The following BAIAP2L1 variants were observed in gnomAD, a reference collection of about 807,000 sequenced individuals.
BAIAP2L1 encodes the protein BAR/IMD domain containing adaptor protein 2 like 1, also known as BAR/IMD domain-containing adapter protein 2-like 1.
Under a neutral mutation model 66.3 loss-of-function variants are expected in BAIAP2L1, and 35 were observed. The observed-to-expected ratio is 0.53, with a 90% confidence interval of 0.40 to 0.70. The LOEUF (loss-of-function observed/expected upper bound fraction) is 0.70, where lower values mean the gene tolerates loss of function less well. Among genes scored for constraint, BAIAP2L1 ranks in the 30% least tolerant of loss-of-function variants. BAIAP2L1 has a pLI of 0.00. For missense variants in BAIAP2L1, 622 were observed against 656.9 expected (o/e 0.95, Z 0.58); for synonymous variants, 269 against 248.7 (o/e 1.08, Z -0.77).
At chr7:98,363,963 G>A (rs1355943130) in intron 1 of BAIAP2L1, among the ~76,000 whole-genome samples, 4 of 152,050 alleles carry the variant, frequency 2.6e-5, no homozygotes, top group Non-Finnish European at 1.5e-5. Flanking sequence ...TTATGCCCGA[G>A]AGCACTTTCA....
chr7:98,396,013 G>A (rs889868439), intron 1 of BAIAP2L1, among the ~76,000 whole-genome samples: 3 of 152,152 alleles, frequency 2.0e-5, no homozygotes, highest in African/African-American at 7.2e-5. Context: ...TAATGTGCAT[G>A]GAATTAAAAC....
At chr7:98,315,794 G>C (rs546433401) in intron 6 of BAIAP2L1, among the ~76,000 whole-genome samples, 182 bp from the exon 7 acceptor site, 2 of 152,242 alleles carry the variant, frequency 1.3e-5, no homozygotes, top group African/African-American at 4.8e-5. Flanking sequence ...TTCTCCTTGA[G>C]GTCCCTGACT....
chr7:98,382,382 A>G (rs1013784873), intron 1 of BAIAP2L1, among the ~76,000 whole-genome samples: 7 of 152,290 alleles, frequency 4.6e-5, no homozygotes, highest in Admixed American at 2.6e-4. Flanking sequence ...ACAGTGGCTC[A>G]CGCCTGTAAT....
chr7:98,349,771 A>T (rs1485379459), intron 3 of BAIAP2L1, among the ~76,000 whole-genome samples: 1 of 150,952 alleles, frequency 6.6e-6, no homozygotes, highest in African/African-American at 2.4e-5. Flanking sequence ...GCACTTTGGG[A>T]GGCCGATGGG....
At chr7:98,304,701 G>A (rs1800568940) in intron 11 of BAIAP2L1, among the ~76,000 whole-genome samples, 2 of 151,686 alleles carry the variant, frequency 1.3e-5, no homozygotes, top group African/African-American at 4.8e-5. Flanking sequence ...GTGCACGCCA[G>A]TGTGCCCAGC....
At chr7:98,325,208 C>A (rs1801350974) in intron 3 of BAIAP2L1, among the ~76,000 whole-genome samples, 1 of 151,848 alleles carries the variant, frequency 6.6e-6, no homozygotes, top group Admixed American at 6.6e-5. Context: ...TATGGTGAAA[C>A]CCTGTCTCTA....
intron 12 of BAIAP2L1, among the ~76,000 whole-genome samples, chr7:98,296,520 G>A (rs1262218394): frequency 6.6e-6 from 1 of 152,194 alleles, no homozygotes; most frequent in Non-Finnish European, 1.5e-5. Context: ...AGCTACTCAG[G>A]AGGCTGAGGC....
At chr7:98,361,892 C>T (rs1287111766) in intron 2 of BAIAP2L1, among the ~76,000 whole-genome samples, 6 of 152,138 alleles carry the variant, frequency 3.9e-5, no homozygotes, top group East Asian at 1.9e-4. Context: ...CGCACCACCA[C>T]GTGCAGCTAA....
At chr7:98,398,268 C>T (rs1541409) in intron 1 of BAIAP2L1, among the ~76,000 whole-genome samples, 36,799 of 151,886 alleles carry the variant, frequency 0.24, 4,698 homozygotes, top group East Asian at 0.45. Flanking sequence ...CCATATTAAG[C>T]TTAAACTGTT....
At chr7:98,322,432 A>C (rs1273575592) in intron 3 of BAIAP2L1, among the ~76,000 whole-genome samples, 1 of 152,066 alleles carries the variant, frequency 6.6e-6, no homozygotes, top group Non-Finnish European at 1.5e-5. Flanking sequence ...TCCAGCTCTC[A>C]GCTGCCAGCC....
chr7:98,385,538 A>AGTAGC (rs1802866030), intron 1 of BAIAP2L1, among the ~76,000 whole-genome samples: 1 of 151,730 alleles, frequency 6.6e-6, no homozygotes, highest in South Asian at 2.1e-4. Flanking sequence ...CAGCCTCCAG[A>AGTAGC]GTAGCTGGGA....
Position 98,293,327 on chromosome 7 carries a change from C to A in BAIAP2L1, c.*194G>T. 2 of 537,798 alleles carry A rather than the reference C, an allele frequency of 3.7e-6. No individual in the cohort carries two copies. The highest frequency in any genetic ancestry group is 2.6e-5 in the South Asian group (1 of 38,786). 33.3% of individuals were successfully genotyped at this position (537,798 alleles called of 1,614,324 possible). ...GGCTGAGCTGGTCATTAGACTATTA[C>A]TCATTTATCTTAAAGGCAGAAACTT... On this transcript the variant is annotated 3_prime_UTR_variant, in exon 14 of 14. Transcript: ENST00000005260.
At chr7:98,297,724 T>C (rs1378057801) in intron 12 of BAIAP2L1, among the ~76,000 whole-genome samples, 1 of 152,192 alleles carries the variant, frequency 6.6e-6, no homozygotes, top group Non-Finnish European at 1.5e-5. Flanking sequence ...TGGGATCTTT[T>C]TGGAAGCCGA....
intron 3 of BAIAP2L1, among the ~76,000 whole-genome samples, chr7:98,332,320 T>C (rs1046978710): frequency 1.6e-5 from 2 of 126,956 alleles, no homozygotes; most frequent in East Asian, 2.2e-4. Flanking sequence ...GAGGCAGAGG[T>C]TGCAGTGACC....
intron 1 of BAIAP2L1, among the ~76,000 whole-genome samples, chr7:98,390,541 A>G (rs2115840073): frequency 6.6e-6 from 1 of 151,950 alleles, no homozygotes; most frequent in African/African-American, 2.4e-5. Flanking sequence ...ATCTTGGCTA[A>G]CACGGTGAAA....
At chr7:98,316,346 T>A (rs1175132213) in intron 6 of BAIAP2L1, among the ~76,000 whole-genome samples, 1 of 152,102 alleles carries the variant, frequency 6.6e-6, no homozygotes, top group Non-Finnish European at 1.5e-5. Context: ...AAATATGATT[T>A]AACCTAAGCC....
At chr7:98,298,354 T>C (rs1323751348) in intron 12 of BAIAP2L1, among the ~76,000 whole-genome samples, 1 of 152,234 alleles carries the variant, frequency 6.6e-6, no homozygotes, top group African/African-American at 2.4e-5. Context: ...GGCTCACGCC[T>C]GTAATCCCAG....
rs554539320 is a variant in BAIAP2L1, at chr7:98,325,193, G to C, written c.215-4895C>G. ...AGGTCAGGAGTTCGAGACCAGCCTGGCCAATATGGTGAAACCCTGTCTCTA... is the reference window on the plus strand; with the variant it reads ...AGGTCAGGAGTTCGAGACCAGCCTGCCCAATATGGTGAAACCCTGTCTCTA... On this transcript the variant is annotated intron_variant, in intron 3 of 13. Coordinates refer to ENST00000005260, the MANE Select transcript of BAIAP2L1 (RefSeq NM_018842.5). Among the ~76,000 whole-genome samples the C allele has an allele frequency of 2.0e-5, 3 of 152,070 alleles. No individual in the cohort carries two copies. In the East Asian group the frequency reaches 5.8e-4, roughly 29 times the overall value.
At chr7:98,310,974 CCAT>C (rs1800848476) in intron 8 of BAIAP2L1, among the ~76,000 whole-genome samples, 1 of 152,110 alleles carries the variant, frequency 6.6e-6, no homozygotes, top group African/African-American at 2.4e-5. Context: ...GTGTGAGCCA[CCAT>C]GACTGGCCAC....
Sources: gnomAD v4.1 joint callset for allele counts (sites outside exome capture counted in the v4.1 genomes callset) on GRCh38, gnomAD v4.1.1 for gene constraint, MANE v1.5 for transcripts, NCBI Gene and HGNC (gene_info 2026-07-23, HGNC 2026-07-21) for gene names.